Variants in TNN observed in about 807,000 individuals in gnomAD.
TNN encodes tenascin-N.
In TNN, 122 loss-of-function variants were observed where a neutral mutation model predicts 134.4. The ratio of observed to expected loss-of-function variants is 0.91; its 90% confidence interval spans 0.78 to 1.06. The LOEUF is 1.06. Ranked by LOEUF, TNN falls within the 50% of genes least tolerant of loss-of-function variation. The probability of loss-of-function intolerance (pLI) is 0.00; values close to 1 mark genes in which losing one functional copy is unlikely to be tolerated. For missense variants in TNN, 1,739 were observed against 1,699.4 expected (o/e 1.02, Z -0.41); for synonymous variants, 710 against 670.3 (o/e 1.06, Z -0.91).
chr1:175,131,856 A>T lies in TNN; in HGVS notation c.3330+3110A>T, dbSNP rs573622499. ...TATAGAACTGGTTCTGGTTCAAAAC[A>T]GTGATGCAAAGAGCACCAGAATCAT... On this transcript the variant is annotated intron_variant, in intron 15 of 18. Coordinates refer to ENST00000239462, the MANE Select transcript of TNN (RefSeq NM_022093.2). Among the ~76,000 whole-genome samples, 3 of 151,996 alleles carry T rather than the reference A, an allele frequency of 2.0e-5. No individual in the cohort carries two copies. The South Asian group carries it at 6.3e-4, about 32-fold the overall frequency.
chr1:175,108,078 G>A (rs191477706), intron 9 of TNN, among the ~76,000 whole-genome samples: 2 of 151,170 alleles, frequency 1.3e-5, no homozygotes, highest in African/African-American at 4.9e-5. Flanking sequence ...ACAGAGTGCC[G>A]ATTGGTGTAT....
intron 9 of TNN, among the ~76,000 whole-genome samples, chr1:175,108,929 G>A (rs1558361050): frequency 1.3e-5 from 2 of 152,092 alleles, no homozygotes; most frequent in Admixed American, 1.3e-4. Context: ...GGGCTGAAGG[G>A]CTCCTCAAAT....
intron 9 of TNN, among the ~76,000 whole-genome samples, chr1:175,099,127 T>C (rs974335631): frequency 6.6e-6 from 1 of 152,222 alleles, no homozygotes; most frequent in African/African-American, 2.4e-5. Context: ...TAATAGTCCC[T>C]ACTTCCCTAC....
At chr1:175,106,737 G>A (rs548442740) in intron 9 of TNN, among the ~76,000 whole-genome samples, 1 of 146,044 alleles carries the variant, frequency 6.8e-6, no homozygotes, top group South Asian at 2.3e-4. Flanking sequence ...CAACCAACAT[G>A]TTGTCGGGAC....
intron 2 of TNN, 79 bp from the exon 3 acceptor site, chr1:175,079,254 T>C (rs1674129620): frequency 1.4e-6 from 2 of 1,476,386 alleles, no homozygotes; most frequent in Non-Finnish European, 1.8e-6. Flanking sequence ...TTCTGGGTCT[T>C]GCATGGCTGA....
Position 175,135,827 on chromosome 1 carries a change from A to G in TNN, c.3331-18A>G, listed in dbSNP as rs1234410217. On this transcript the variant is annotated intron_variant, in intron 15 of 18. Transcript: ENST00000239462. ...TCTGTTTGGAGGGTCAGAGTGAAGTATTCATCTTCCTTCTCAGGTCTTCCA... is the reference window on the plus strand; with the variant it reads ...TCTGTTTGGAGGGTCAGAGTGAAGTGTTCATCTTCCTTCTCAGGTCTTCCA... 2 of 1,598,712 alleles carry G rather than the reference A, an allele frequency of 1.3e-6. No individual in the cohort carries two copies. Among genetic ancestry groups the G allele is most frequent in the Non-Finnish European group, 1.7e-6 (2 of 1,166,188 alleles).
intron 7 of TNN, among the ~76,000 whole-genome samples, chr1:175,095,762 CGGGTTTT>C (rs1420427049): frequency 6.6e-6 from 1 of 152,094 alleles, no homozygotes; most frequent in Non-Finnish European, 1.5e-5. Context: ...TTAATAGAGA[CGGGTTTT>C]CACTGTGTTC....
chr1:175,121,148 G>T (rs949879645), intron 11 of TNN, among the ~76,000 whole-genome samples: 2 of 152,160 alleles, frequency 1.3e-5, no homozygotes, highest in Non-Finnish European at 2.9e-5. Context: ...CATTTCAAAT[G>T]GTCAGTAGCC....
rs766744231 is a variant in TNN at position 175,077,615 on chromosome 1, G to T, written c.197G>T (p.Ser66Ile). The T allele has an allele frequency of 7.4e-5, 120 of 1,614,130 alleles. No homozygotes were observed. The highest frequency in any genetic ancestry group is 9.8e-5 in the Non-Finnish European group (116 of 1,180,054). ...GTTGACGCTGACCCTCAGCCCCTCA[G>T]TGACGATGGGGCTTCGCTCTTGGCC... ...VQVDADPQPLSDDGASLLALG... is the reference protein window; with the variant it reads ...VQVDADPQPLIDDGASLLALG... The change falls in exon 2 of 19, where the codon AGT (serine) becomes ATT (isoleucine). Residue 66 changes from serine (S) to isoleucine (I), a missense_variant. Ser to Ile is a moderately radical substitution (Grantham distance 142). Transcript: ENST00000239462.
intron 13 of TNN, 58 bp from the exon 14 acceptor site, chr1:175,127,974 G>A: frequency 1.9e-6 from 3 of 1,603,402 alleles, no homozygotes; most frequent in East Asian, 4.5e-5. Flanking sequence ...TGACACCTAG[G>A]GTGCTAGTGG....
At chr1:175,128,451 A>T (rs1675586463) in intron 14 of TNN, 144 bp from the exon 15 acceptor site, 1 of 1,050,172 alleles carries the variant, frequency 9.5e-7, no homozygotes, top group African/African-American at 1.6e-5. Context: ...GAAAAATAAG[A>T]TATGAGTGAA....
intron 9 of TNN, among the ~76,000 whole-genome samples, chr1:175,113,604 C>A (rs377026917): frequency 6.6e-6 from 1 of 152,190 alleles, no homozygotes; most frequent in East Asian, 1.9e-4. Context: ...CATATCTCTC[C>A]CCAGACTTGG....
intron 17 of TNN, 25 bp from the exon 18 acceptor site, chr1:175,144,362 C>G (rs752985179): frequency 6.2e-7 from 1 of 1,608,902 alleles, no homozygotes. Flanking sequence ...CCTGGGCTCT[C>G]GCCTCCGTCT....
chr1:175,134,662 A>G (rs564513738), intron 15 of TNN, among the ~76,000 whole-genome samples: 2 of 152,278 alleles, frequency 1.3e-5, no homozygotes, highest in East Asian at 1.9e-4. Flanking sequence ...CTGCAAGCCC[A>G]TACTATAAGA....
rs745524270 is a variant in TNN, at chr1:175,083,893, G to T, written c.1192G>T (p.Val398Leu). Reference sequence around the variant, plus strand: ...AGGACAGGAGGTAGCTGAGGTCACTGTGCCCAAGAGCAGTGACCCCAAGAG... The same window carrying T: ...AGGACAGGAGGTAGCTGAGGTCACTTTGCCCAAGAGCAGTGACCCCAAGAG... ...MTGQEVAEVTVPKSSDPKSRY... is the reference protein window; with the variant it reads ...MTGQEVAEVTLPKSSDPKSRY... The change falls in exon 5 of 19, where the codon GTG (valine) becomes TTG (leucine). Residue 398 changes from valine (V) to leucine (L), a missense_variant. Transcript: ENST00000239462. 1 of 1,614,040 alleles carries T rather than the reference G, an allele frequency of 6.2e-7. No homozygotes were observed. The highest frequency in any genetic ancestry group is 8.5e-7 in the Non-Finnish European group (1 of 1,180,038).
intron 3 of TNN, 72 bp from the exon 4 acceptor site, chr1:175,080,091 C>T: frequency 6.3e-7 from 1 of 1,576,386 alleles, no homozygotes. Flanking sequence ...TTATAGTGCT[C>T]AGGGAATACT....
At chr1:175,130,551 A>G (rs1407197476) in intron 15 of TNN, among the ~76,000 whole-genome samples, 2 of 152,100 alleles carry the variant, frequency 1.3e-5, no homozygotes, top group African/African-American at 2.4e-5. Context: ...CCTGTAATTG[A>G]CTTTTGGCAG....
intron 9 of TNN, among the ~76,000 whole-genome samples, chr1:175,101,719 G>T (rs1206346676): frequency 2.0e-5 from 3 of 148,698 alleles, no homozygotes; most frequent in African/African-American, 7.3e-5. Flanking sequence ...ACAGAGTGTC[G>T]ATTGGTGCAC....
intron 6 of TNN, among the ~76,000 whole-genome samples, chr1:175,090,907 T>C (rs1172506138): frequency 6.6e-6 from 1 of 152,178 alleles, no homozygotes; most frequent in Non-Finnish European, 1.5e-5. Flanking sequence ...GTCCAGCAGT[T>C]GGGAAGTTCC....
Sources: allele counts gnomAD v4.1 joint callset (sites outside exome capture counted in the v4.1 genomes callset), GRCh38; gene constraint gnomAD v4.1.1; transcripts MANE v1.5; gene names NCBI Gene and HGNC (gene_info 2026-07-23, HGNC 2026-07-21).